Variants in C2CD2 observed in about 807,000 individuals in gnomAD.
C2CD2 encodes C2 domain-containing protein 2.
A neutral mutation model predicts 74.3 loss-of-function variants in C2CD2; 43 were observed. That is an observed-to-expected ratio of 0.58 (90% CI 0.45 to 0.75). C2CD2 has a LOEUF of 0.75. Among genes scored for constraint, C2CD2 ranks in the 30% least tolerant of loss-of-function variants. C2CD2 has a pLI of 0.00. For missense variants in C2CD2, 801 were observed against 916.3 expected (o/e 0.87, Z 1.63); for synonymous variants, 422 against 390.7 (o/e 1.08, Z -0.94).
chr21:41,932,856 C>T lies in C2CD2; in HGVS notation c.378+9291G>A, dbSNP rs529745682. Among the ~76,000 whole-genome samples the T allele has an allele frequency of 6.7e-5, 10 of 150,348 alleles. 1 individual carries two copies. Among genetic ancestry groups the T allele is most frequent in the South Asian group, 2.1e-4 (1 of 4,686 alleles). The stretch of plus-strand genomic sequence containing the variant: ...TGCAAAGGTGATGACTTGGACACAC[C>T]GAGGCCTTCAGGGTGGCAGGAGAAA... On this transcript the variant is annotated intron_variant, in intron 2 of 13. Transcript: ENST00000380486.
At chr21:41,891,898 C>T (rs1289671366) in intron 13 of C2CD2, among the ~76,000 whole-genome samples, 5 of 152,120 alleles carry the variant, frequency 3.3e-5, no homozygotes, top group Admixed American at 2.0e-4. Context: ...ATTTCATAGG[C>T]GTCCCTGCAC....
chr21:41,925,597 C>A (rs186135220), intron 2 of C2CD2, among the ~76,000 whole-genome samples: 1 of 152,306 alleles, frequency 6.6e-6, no homozygotes. Flanking sequence ...ACAAATAATG[C>A]CCCATTTGCC....
At chr21:41,920,173 G>A (rs567458926) in intron 3 of C2CD2, among the ~76,000 whole-genome samples, 17 of 145,088 alleles carry the variant, frequency 1.2e-4, no homozygotes, top group African/African-American at 4.3e-4. Context: ...TGTGACTGCC[G>A]CTAAGGCAGG....
chr21:41,891,047 T>C (rs994650818), intron 13 of C2CD2, among the ~76,000 whole-genome samples: 4 of 152,218 alleles, frequency 2.6e-5, no homozygotes, highest in African/African-American at 9.6e-5. Flanking sequence ...TTTTATGACG[T>C]GTCATTTGGA....
At chr21:41,913,877 T>C (rs769494365) in intron 6 of C2CD2, among the ~76,000 whole-genome samples, 5 of 152,162 alleles carry the variant, frequency 3.3e-5, no homozygotes, top group South Asian at 2.1e-4. Flanking sequence ...ACAGCAGCCA[T>C]GGTCTCCCAG....
chr21:41,927,160 A>T (rs1053033033), intron 2 of C2CD2, among the ~76,000 whole-genome samples: 3 of 152,158 alleles, frequency 2.0e-5, no homozygotes, highest in African/African-American at 7.2e-5. Context: ...ACGGCTAAAG[A>T]TGTATTTTTA....
chr21:41,890,771 C>T (rs1003448731), intron 13 of C2CD2, among the ~76,000 whole-genome samples: 1 of 152,168 alleles, frequency 6.6e-6, no homozygotes, highest in Non-Finnish European at 1.5e-5. Context: ...ATGAAATGCA[C>T]ACCAACAATT....
At chr21:41,896,498 C>T (rs546797140) in intron 13 of C2CD2, among the ~76,000 whole-genome samples, 6 of 152,200 alleles carry the variant, frequency 3.9e-5, no homozygotes, top group South Asian at 2.1e-4. Flanking sequence ...CCATTTCTAC[C>T]GGCACAGCTC....
chr21:41,918,270 C>A, intron 4 of C2CD2, 43 bp from the exon 5 acceptor site: 1 of 1,605,822 alleles, frequency 6.2e-7, no homozygotes, highest in Non-Finnish European at 8.5e-7. Flanking sequence ...TTTGCAAGCC[C>A]ACTCCCTGCT....
In C2CD2 at chr21:41,899,293, G is replaced by T. The variant is rs1360848802; in HGVS notation, c.1630C>A (p.Gln544Lys). 3.1e-6 allele frequency: 5 copies of T among 1,611,248 alleles called. No individual in the cohort carries two copies. The East Asian group carries it at 8.9e-5, about 29-fold the overall frequency. ...TCCGGATGGGATGGGGCGTCCTCCT[G>T]GTGGGTGCTGTCCACAGAGGCCGTG... Reference protein sequence around the residue: ...GYTASVDSTHQEDAPSHPERA... With the variant: ...GYTASVDSTHKEDAPSHPERA... The change falls in exon 13 of 14, where the codon CAG becomes AAG. Residue 544 changes from glutamine (Q) to lysine (K), a missense_variant. Coordinates refer to ENST00000380486, the MANE Select transcript of C2CD2 (RefSeq NM_015500.2). This position sits in a 1 kb window ranked among gnomAD's most constrained non-coding sequence, Gnocchi z 4.4.
Position 41,890,745 on chromosome 21 carries a change from C to G in C2CD2, c.1871-1401G>C, listed in dbSNP as rs200893922. Among the ~76,000 whole-genome samples the G allele has an allele frequency of 2.6e-5, 4 of 152,346 alleles. No homozygotes were observed. The East Asian group carries it at 5.8e-4, about 22-fold the overall frequency. On this transcript the variant is annotated intron_variant, in intron 13 of 13. Coordinates refer to ENST00000380486, the MANE Select transcript of C2CD2 (RefSeq NM_015500.2). ...GGTTGAAGGAGGGCACGAAGAATATCAATTCCCTCTTCTAAATGAAATGCA... is the reference window on the plus strand; with the variant it reads ...GGTTGAAGGAGGGCACGAAGAATATGAATTCCCTCTTCTAAATGAAATGCA...
At chr21:41,893,765 T>G (rs926210554) in intron 13 of C2CD2, among the ~76,000 whole-genome samples, 4 of 148,776 alleles carry the variant, frequency 2.7e-5, no homozygotes, top group African/African-American at 7.5e-5. Context: ...GCAGTGGTGC[T>G]ATCTCAGCTC....
Position 41,918,211 on chromosome 21 carries a change from G to C in C2CD2, c.614C>G (p.Thr205Arg), listed in dbSNP as rs1208502523. Residue 205 changes from threonine to arginine, a missense_variant, in exon 5 of 14, where the codon ACA (threonine) becomes AGA (arginine). By Grantham distance (71) the Thr-to-Arg change is moderately conservative. Coordinates refer to ENST00000380486, the MANE Select transcript of C2CD2 (RefSeq NM_015500.2). ...KALGEDQVAE[T>R]SAMSDVLKDI... ...CTTGAGAACGTCAGACATCGCACTTGTCTCAGCCACCTGGTCCTGGTGAAA... is the reference window on the plus strand; with the variant it reads ...CTTGAGAACGTCAGACATCGCACTTCTCTCAGCCACCTGGTCCTGGTGAAA... 1 of 1,613,996 alleles carries C rather than the reference G, an allele frequency of 6.2e-7. No homozygotes were observed. The highest frequency in any genetic ancestry group is 1.3e-5 in the African/African-American group (1 of 74,914).
At position 41,912,402 on chromosome 21, in the gene C2CD2, G is replaced by T. The variant is rs1323448142; in HGVS notation, c.883C>A (p.Pro295Thr). ...AGGGTGCTGGAGAACCTCTGAACAGGATCGTTCAGCTGCACGACGCACACT... is the reference window on the plus strand; with the variant it reads ...AGGGTGCTGGAGAACCTCTGAACAGTATCGTTCAGCTGCACGACGCACACT... ...NAVCVVQLND[P>T]VQRFSSTLTK... is the part of the protein sequence containing the mutation. Residue 295 changes from proline (P) to threonine (T), a missense_variant, in exon 7 of 14, where the codon CCT (proline) becomes ACT (threonine). Physicochemically the swap from Pro to Thr is conservative, Grantham distance 38. Transcript: ENST00000380486. The T allele has an allele frequency of 1.9e-6, 3 of 1,612,628 alleles. No homozygotes were observed. Among genetic ancestry groups the T allele is most frequent in the Non-Finnish European group, 2.5e-6 (3 of 1,179,720 alleles).
intron 5 of C2CD2, 76 bp from the exon 6 acceptor site, chr21:41,914,797 T>G: frequency 7.6e-7 from 1 of 1,314,548 alleles, no homozygotes; most frequent in South Asian, 1.4e-5. Context: ...ACTGGACTCC[T>G]GTTATGGGGG....
At chr21:41,937,007 T>TG (rs371999186) in intron 2 of C2CD2, among the ~76,000 whole-genome samples, 147 of 149,994 alleles carry the variant, frequency 9.8e-4, no homozygotes, top group East Asian at 1.8e-3. Flanking sequence ...TTAGTAGAGA[T>TG]GGGGGGTTTC....
In C2CD2 at chr21:41,924,162, C is replaced by T. The variant is rs1235733855; in HGVS notation, c.379-2077G>A. On this transcript the variant is annotated intron_variant, in intron 2 of 13. Coordinates refer to ENST00000380486, the MANE Select transcript of C2CD2 (RefSeq NM_015500.2). The surrounding 1 kb of genome is among the most constrained non-coding windows in gnomAD (Gnocchi z 4.4). ...AAGATTATCAAAATAATTACTCAGT[C>T]AGGGCCTGCTATTCCCCCAAGTTCA... 6.6e-6 allele frequency among the ~76,000 whole-genome samples: 1 copy of T among 152,232 alleles called. No individual in the cohort carries two copies. Among genetic ancestry groups the T allele is most frequent in the Admixed American group, 6.5e-5 (1 of 15,286 alleles).
intron 2 of C2CD2, among the ~76,000 whole-genome samples, chr21:41,932,734 C>T (rs1278740363): frequency 1.3e-5 from 2 of 150,050 alleles, no homozygotes; most frequent in Admixed American, 6.7e-5. Context: ...ACTTATCTAT[C>T]GTTGGTCCTG....
At chr21:41,934,149 C>A (rs1601596309) in intron 2 of C2CD2, among the ~76,000 whole-genome samples, 1 of 152,154 alleles carries the variant, frequency 6.6e-6, no homozygotes, top group East Asian at 1.9e-4. Context: ...CCACTTTCAC[C>A]AGGTGAGGTG....
Sources: allele counts gnomAD v4.1 joint callset (sites outside exome capture counted in the v4.1 genomes callset), GRCh38; gene constraint gnomAD v4.1.1; non-coding constraint Gnocchi (gnomAD v3.1); transcripts MANE v1.5; gene names NCBI Gene and HGNC (gene_info 2026-07-23, HGNC 2026-07-21).